TK2: variants seen among roughly 807,000 people sequenced by gnomAD.
The protein encoded by TK2 is thymidine kinase 2, mitochondrial.
Under a neutral mutation model 41.9 loss-of-function variants are expected in TK2, and 35 were observed. That is an observed-to-expected ratio of 0.84 (90% CI 0.64 to 1.11). TK2 has a LOEUF of 1.11. Ranked by LOEUF, TK2 falls within the 50% of genes least tolerant of loss-of-function variation. The pLI is 0.00. For missense variants in TK2, 320 were observed against 351.1 expected, an observed-to-expected ratio of 0.91 and a Z score of 0.71; for synonymous variants, 128 against 129.1, an observed-to-expected ratio of 0.99 and a Z score of 0.06.
intron 4 of TK2, among the ~76,000 whole-genome samples, chr16:66,533,037 C>A (rs973445834): frequency 6.6e-6 from 1 of 151,478 alleles, no homozygotes; most frequent in Non-Finnish European, 1.5e-5. Context: ...GAGGGTTCCC[C>A]TTTCTCCACA....
At chr16:66,539,792 C>A (rs77453556) in intron 3 of TK2, among the ~76,000 whole-genome samples, 12,256 of 152,096 alleles carry the variant, frequency 0.081, 614 homozygotes, top group East Asian at 0.17. Context: ...GTCTAGCAGG[C>A]AAGCTGGCCT....
rs1443694186 is a variant in TK2, at chr16:66,509,444, T to C, written c.*2524A>G. On this transcript the variant is annotated 3_prime_UTR_variant, in exon 10 of 10. Transcript: ENST00000544898. ...CAAAAAAAACCAGGTACATAAGGTATTTTTAAATGGTTATAATCATATATT... is the reference window on the plus strand; with the variant it reads ...CAAAAAAAACCAGGTACATAAGGTACTTTTAAATGGTTATAATCATATATT... 6.6e-6 allele frequency: 1 copy of C among 152,262 alleles called. No individual in the cohort carries two copies. The highest frequency in any genetic ancestry group is 1.9e-4 in the East Asian group (1 of 5,204). 9.4% of individuals were successfully genotyped at this position (152,262 alleles called of 1,614,324 possible).
intron 6 of TK2, among the ~76,000 whole-genome samples, chr16:66,520,382 G>C (rs774988484): frequency 1.6e-4 from 25 of 152,088 alleles, no homozygotes; most frequent in Non-Finnish European, 3.2e-4. Flanking sequence ...CCCACCCCAA[G>C]CTTCCAAGCT....
chr16:66,542,975 C>G (rs1965501594), intron 2 of TK2, among the ~76,000 whole-genome samples: 1 of 152,170 alleles, frequency 6.6e-6, no homozygotes, highest in South Asian at 2.1e-4. Context: ...TGGGTTCAAG[C>G]CATTCTCCTG....
At position 66,517,664 on chromosome 16, in the gene TK2, T is replaced by C. The variant is rs1024318867; in HGVS notation, c.538+125A>G. On this transcript the variant is annotated intron_variant, in intron 7 of 9. Transcript: ENST00000544898. This position sits in a 1 kb window ranked among gnomAD's most constrained non-coding sequence, Gnocchi z 4.3. ...CCTCAGGGAGAAAGCTGAACTCCCA[T>C]GGGGAAGGAACTGCCAAGGGCAAGT... 7.0e-6 allele frequency: 6 copies of C among 860,122 alleles called. No homozygotes were observed. Among genetic ancestry groups the C allele is most frequent in the South Asian group, 1.3e-5 (1 of 74,456 alleles). 53.3% of individuals were successfully genotyped at this position (860,122 alleles called of 1,614,324 possible).
At position 66,509,119 on chromosome 16, in the gene TK2, G is replaced by C. The variant is rs1017010579; in HGVS notation, c.*2849C>G. The C allele has an allele frequency of 2.6e-5, 4 of 152,598 alleles. No individual in the cohort carries two copies. The highest frequency in any genetic ancestry group is 9.6e-5 in the African/African-American group (4 of 41,574). The allele number at this position is 152,598 out of a possible 1,614,324, so 9.5% of individuals were successfully genotyped here. ...CTCCCAGGGCCTCTAGCAAAGCCTC[G>C]TAAGAACCTTCCAGCTTATCTTAGT... is the stretch of plus-strand genomic sequence containing the variant. On this transcript the variant is annotated 3_prime_UTR_variant, in exon 10 of 10. Transcript: ENST00000544898.
intron 4 of TK2, among the ~76,000 whole-genome samples, chr16:66,535,953 C>T: frequency 6.6e-6 from 1 of 152,056 alleles, no homozygotes; most frequent in East Asian, 1.9e-4. Context: ...GCCCGTAATC[C>T]CAGCACTTTG....
intron 1 of TK2, chr16:66,549,532 G>A: frequency 9.6e-7 from 1 of 1,044,428 alleles, no homozygotes; most frequent in East Asian, 8.2e-5. Flanking sequence ...CCCAGGGAGG[G>A]CAGGAGAGCG....
intron 1 of TK2, 37 bp from the exon 2 acceptor site, chr16:66,549,046 T>C (rs752419116): frequency 6.2e-7 from 1 of 1,612,752 alleles, no homozygotes; most frequent in Non-Finnish European, 8.5e-7. Context: ...AAACTCACTT[T>C]TAAATAACTC....
At chr16:66,531,243 T>C (rs1965101580) in intron 5 of TK2, 137 bp downstream of exon 5, 5 of 845,820 alleles carry the variant, frequency 5.9e-6, no homozygotes, top group Non-Finnish European at 9.8e-6. Context: ...CCAGAGACCT[T>C]GGCCCCACAC....
In TK2 at chr16:66,550,075, G is replaced by A; in HGVS notation, c.-14C>T. 6.3e-7 allele frequency: 1 copy of A among 1,596,290 alleles called. No homozygotes were observed. The highest frequency in any genetic ancestry group is 8.5e-7 in the Non-Finnish European group (1 of 1,172,800). ...CCACAGCAGCATAGCCGGGCGAGCG[G>A]ATCCAGAGGCCCGGGGTTCCTTCTT... On this transcript the variant is annotated 5_prime_UTR_variant, in exon 1 of 10. Transcript: ENST00000544898.
Position 66,510,449 on chromosome 16 carries a change from T to C in TK2, c.*1519A>G, listed in dbSNP as rs1017948654. 2.6e-5 allele frequency: 4 copies of C among 152,256 alleles called. No homozygotes were observed. Among genetic ancestry groups the C allele is most frequent in the African/African-American group, 7.2e-5 (3 of 41,460 alleles). 9.4% of individuals were successfully genotyped at this position (152,256 alleles called of 1,614,324 possible). Reference sequence around the variant, plus strand: ...TGGCTGCTGCCTCTCATCCTGCCAATGGCACAAGAACTGGTCCAAACAGGA... The same window carrying C: ...TGGCTGCTGCCTCTCATCCTGCCAACGGCACAAGAACTGGTCCAAACAGGA... On this transcript the variant is annotated 3_prime_UTR_variant, in exon 10 of 10. Coordinates refer to ENST00000544898, the MANE Select transcript of TK2 (RefSeq NM_004614.5).
intron 9 of TK2, 66 bp from the exon 10 acceptor site, chr16:66,512,132 G>C (rs1964470084): frequency 1.4e-6 from 2 of 1,390,822 alleles, no homozygotes; most frequent in African/African-American, 1.4e-5. Flanking sequence ...TTCACAGCTG[G>C]AGACAGACAG....
In TK2 at chr16:66,517,927, C is replaced by A. The variant is rs1333627049; in HGVS notation, c.450-50G>T. 1 of 1,473,728 alleles carries A rather than the reference C, an allele frequency of 6.8e-7. No individual in the cohort carries two copies. Among genetic ancestry groups the A allele is most frequent in the Non-Finnish European group, 9.5e-7 (1 of 1,052,166 alleles). The allele number at this position is 1,473,728 out of a possible 1,614,324, so 91.3% of individuals were successfully genotyped here. On this transcript the variant is annotated intron_variant, in intron 6 of 9. Transcript: ENST00000544898. This position sits in a 1 kb window ranked among gnomAD's most constrained non-coding sequence, Gnocchi z 4.3. Reference sequence around the variant, plus strand: ...ATTCACCTAAGAGAAAACTTCTGGGCTATGCAATTCCCCCAAAAGGATCTT... The same window carrying A: ...ATTCACCTAAGAGAAAACTTCTGGGATATGCAATTCCCCCAAAAGGATCTT...
intron 2 of TK2, chr16:66,547,850 A>G: frequency 8.3e-7 from 1 of 1,206,956 alleles, no homozygotes; most frequent in South Asian, 1.5e-5. Flanking sequence ...ACCACTTTCT[A>G]TGAACTAGCT....
At chr16:66,532,121 G>C (rs1457414261) in intron 4 of TK2, among the ~76,000 whole-genome samples, 20 of 81,618 alleles carry the variant, frequency 2.5e-4, no homozygotes, top group Admixed American at 2.4e-3. Context: ...AATAAAAGTT[G>C]AAATGACCAA....
chr16:66,526,473 T>G (rs1964934728), intron 6 of TK2, among the ~76,000 whole-genome samples: 2 of 152,148 alleles, frequency 1.3e-5, no homozygotes, highest in Admixed American at 6.5e-5. Flanking sequence ...CGAGCAGAGC[T>G]GTAATCAGGC....
chr16:66,542,876 CT>C (rs1213566917), intron 2 of TK2, among the ~76,000 whole-genome samples: 1 of 151,732 alleles, frequency 6.6e-6, no homozygotes, highest in Non-Finnish European at 1.5e-5. Flanking sequence ...GACTCAGTAA[CT>C]TTTTTTTTCT....
intron 4 of TK2, among the ~76,000 whole-genome samples, chr16:66,535,757 G>GCCT (rs1965257192): frequency 2.0e-5 from 3 of 152,206 alleles, no homozygotes; most frequent in Non-Finnish European, 4.4e-5. Context: ...AATATTGGTT[G>GCCT]AATGAATGGA....
Sources: gnomAD v4.1 joint callset for allele counts (sites outside exome capture counted in the v4.1 genomes callset) on GRCh38, gnomAD v4.1.1 for gene constraint, Gnocchi (gnomAD v3.1) non-coding constraint, MANE v1.5 for transcripts, NCBI Gene and HGNC (gene_info 2026-07-23, HGNC 2026-07-21) for gene names.